Variants in DLG2 observed in about 807,000 individuals in gnomAD.
DLG2 encodes discs large MAGUK scaffold protein 2.
DLG2 carries 45 observed loss-of-function variants against 132.5 expected under a neutral mutation model. That is an observed-to-expected ratio of 0.34 (90% CI 0.27 to 0.44). The LOEUF (loss-of-function observed/expected upper bound fraction) is 0.44. Ranked by LOEUF, DLG2 falls within the 20% of genes least tolerant of loss-of-function variation. The pLI is 1.00. For synonymous variants in DLG2, 424 were observed against 419.6 expected, an observed-to-expected ratio of 1.01 and a Z score of -0.13; for missense variants, 1,045 against 1,196.9, an observed-to-expected ratio of 0.87 and a Z score of 1.87.
chr11:84,087,876 T>C (rs2097016996), intron 10 of DLG2, among the ~76,000 whole-genome samples: 1 of 152,222 alleles, frequency 6.6e-6, no homozygotes, highest in South Asian at 2.1e-4. Flanking sequence ...TCCAGAACTA[T>C]AGGATAATAA....
chr11:84,309,399 G>A (rs1046847014), intron 7 of DLG2, among the ~76,000 whole-genome samples: 6 of 152,186 alleles, frequency 3.9e-5, no homozygotes, highest in African/African-American at 1.4e-4. Context: ...GCACAGAAGG[G>A]CTAGGAGAGG....
intron 16 of DLG2, among the ~76,000 whole-genome samples, chr11:83,867,142 A>G (rs1177984190): frequency 1.3e-5 from 2 of 152,158 alleles, no homozygotes; most frequent in Admixed American, 1.3e-4. Flanking sequence ...TGTCTTACTC[A>G]GGCCTCCAGG....
intron 7 of DLG2, among the ~76,000 whole-genome samples, chr11:84,529,677 A>C (rs1038785498): frequency 1.3e-5 from 2 of 152,256 alleles, no homozygotes; most frequent in African/African-American, 4.8e-5. Flanking sequence ...TTCTGTGCTC[A>C]TGGATAGGAA....
chr11:84,765,666 G>C (rs2068307681), intron 6 of DLG2, among the ~76,000 whole-genome samples: 1 of 151,982 alleles, frequency 6.6e-6, no homozygotes, highest in African/African-American at 2.4e-5. Context: ...GTCATACTCA[G>C]CTAATTTAAA....
rs911703019 is a variant in DLG2, at chr11:85,191,161, C to T, written c.187-36510G>A. Among the ~76,000 whole-genome samples the T allele has an allele frequency of 6.7e-5, 8 of 119,628 alleles. No homozygotes were observed. In the South Asian group the frequency reaches 9.2e-4, roughly 14 times the overall value. 78.5% of individuals were successfully genotyped at this position (119,628 alleles called of 152,430 possible). ...ATATGCATGCGCGCGCGCGCACGCG[C>T]GCACACACACACACACACACACACA... On this transcript the variant is annotated intron_variant, in intron 4 of 27. Transcript: ENST00000376104.
chr11:84,577,713 A>G (rs1328722768), intron 6 of DLG2, among the ~76,000 whole-genome samples: 1 of 152,224 alleles, frequency 6.6e-6, no homozygotes, highest in Non-Finnish European at 1.5e-5. Context: ...GCCTGATGAT[A>G]CAGTAGAAAA....
chr11:84,968,127 G>C (rs1439111247), intron 6 of DLG2, among the ~76,000 whole-genome samples: 6 of 151,860 alleles, frequency 4.0e-5, no homozygotes, highest in Non-Finnish European at 8.8e-5. Flanking sequence ...GTTCAAAAAA[G>C]GGAAGCAATT....
At chr11:84,657,748 C>A (rs2099689962) in intron 6 of DLG2, among the ~76,000 whole-genome samples, 1 of 152,172 alleles carries the variant, frequency 6.6e-6, no homozygotes, top group South Asian at 2.1e-4. Flanking sequence ...TGTCTTAATT[C>A]TTAACAGGCT....
intron 6 of DLG2, among the ~76,000 whole-genome samples, chr11:84,538,596 A>T (rs557349493): frequency 1.1e-4 from 17 of 149,610 alleles, no homozygotes; most frequent in Non-Finnish European, 1.9e-4. Flanking sequence ...CTTACTCCCT[A>T]TGTTTTTTTT....
intron 6 of DLG2, among the ~76,000 whole-genome samples, chr11:84,688,390 A>G (rs2099739945): frequency 6.6e-6 from 1 of 152,200 alleles, no homozygotes; most frequent in Non-Finnish European, 1.5e-5. Flanking sequence ...ATTTTCTTGT[A>G]AAGAGTGGTT....
chr11:83,868,528 A>G (rs1268727938), intron 16 of DLG2, among the ~76,000 whole-genome samples: 2 of 152,294 alleles, frequency 1.3e-5, no homozygotes, highest in East Asian at 1.9e-4. Flanking sequence ...ATGTGTGTGT[A>G]TATATACATA....
chr11:84,319,112 T>A (rs2098387744), intron 7 of DLG2, among the ~76,000 whole-genome samples: 1 of 152,190 alleles, frequency 6.6e-6, no homozygotes, highest in East Asian at 1.9e-4. Flanking sequence ...AACAAAGGCA[T>A]TAATAGTTTT....
intron 6 of DLG2, among the ~76,000 whole-genome samples, chr11:84,751,470 A>G (rs1019064264): frequency 3.3e-5 from 5 of 152,026 alleles, no homozygotes; most frequent in South Asian, 2.1e-4. Flanking sequence ...GGTACAAACC[A>G]AAAAAAAGTA....
intron 18 of DLG2, among the ~76,000 whole-genome samples, chr11:83,667,621 T>C (rs1039163488): frequency 3.3e-5 from 5 of 152,172 alleles, no homozygotes; most frequent in Non-Finnish European, 7.4e-5. Flanking sequence ...ATTAGTGATG[T>C]TCTCTTCAGA....
chr11:83,633,119 G>T, intron 19 of DLG2, 92 bp downstream of exon 19: 1 of 1,123,012 alleles, frequency 8.9e-7, no homozygotes, highest in Non-Finnish European at 1.4e-6. Context: ...GGGTTAAGTG[G>T]GACACATGTT....
intron 4 of DLG2, among the ~76,000 whole-genome samples, chr11:85,156,315 G>T (rs2077584121): frequency 6.6e-6 from 1 of 152,146 alleles, no homozygotes; most frequent in African/African-American, 2.4e-5. Context: ...AGAGTATCTT[G>T]TAAGACAAGC....
At chr11:83,814,373 A>G (rs1003363968) in intron 17 of DLG2, among the ~76,000 whole-genome samples, 1 of 152,180 alleles carries the variant, frequency 6.6e-6, no homozygotes, top group African/African-American at 2.4e-5. Context: ...TAGGAATTCA[A>G]GTTTATTCAA....
At chr11:84,064,295 T>C (rs2096638176) in intron 10 of DLG2, among the ~76,000 whole-genome samples, 2 of 152,168 alleles carry the variant, frequency 1.3e-5, no homozygotes, top group South Asian at 4.1e-4. Context: ...GAAGTTTTAA[T>C]TTGGGTCCTT....
intron 3 of DLG2, among the ~76,000 whole-genome samples, chr11:85,551,360 T>A (rs1358652720): frequency 6.6e-6 from 1 of 152,164 alleles, no homozygotes; most frequent in East Asian, 1.9e-4. Context: ...GTAGGTGCCA[T>A]CACTTTCTAA....
Sources: gnomAD v4.1 joint callset for allele counts (sites outside exome capture counted in the v4.1 genomes callset) on GRCh38, gnomAD v4.1.1 for gene constraint, MANE v1.5 for transcripts, NCBI Gene and HGNC (gene_info 2026-07-23, HGNC 2026-07-21) for gene names.